Variants in NKAIN1 observed in about 807,000 individuals in gnomAD.
NKAIN1 encodes the protein sodium/potassium transporting ATPase interacting 1.
In NKAIN1, 13 loss-of-function variants were observed where a neutral mutation model predicts 31.6. That is an observed-to-expected ratio of 0.41 (90% CI 0.27 to 0.65). The LOEUF (loss-of-function observed/expected upper bound fraction) is 0.65. Among genes scored for constraint, NKAIN1 ranks in the 30% least tolerant of loss-of-function variants. The probability of loss-of-function intolerance (pLI) is 0.30; values close to 1 mark genes in which losing one functional copy is unlikely to be tolerated. For missense variants in NKAIN1, 193 were observed against 262.2 expected (o/e 0.74, Z 1.82); for synonymous variants, 104 against 109.0 (o/e 0.95, Z 0.28).
rs1052599406 is a variant in NKAIN1 at position 31,199,213 on chromosome 1, G to C, written c.55-11026C>G. 2.6e-4 allele frequency among the ~76,000 whole-genome samples: 39 copies of C among 152,308 alleles called. 1 individual carries two copies. Among genetic ancestry groups the C allele is most frequent in the African/African-American group, 8.7e-4 (36 of 41,564 alleles). On this transcript the variant is annotated intron_variant, in intron 1 of 6. Coordinates refer to ENST00000373736, the MANE Select transcript of NKAIN1 (RefSeq NM_024522.3). Reference sequence around the variant, plus strand: ...GGGACGAGCTCTCCATTTAAGGACAGGGAGGCCTGAGTTCCAGCCCCAGTT... The same window carrying C: ...GGGACGAGCTCTCCATTTAAGGACACGGAGGCCTGAGTTCCAGCCCCAGTT...
chr1:31,182,211 TGGGAGG>T (rs1426387842), intron 5 of NKAIN1, among the ~76,000 whole-genome samples: 2 of 150,330 alleles, frequency 1.3e-5, no homozygotes, highest in Non-Finnish European at 3.0e-5. Flanking sequence ...GGCTTGGGCC[TGGGAGG>T]CCGGGCAGTC....
At chr1:31,212,331 G>A (rs1336910101) in intron 1 of NKAIN1, among the ~76,000 whole-genome samples, 3 of 151,934 alleles carry the variant, frequency 2.0e-5, no homozygotes, top group Admixed American at 1.3e-4. Context: ...AAATGTAAGA[G>A]CCAAAACTAT....
intron 1 of NKAIN1, among the ~76,000 whole-genome samples, chr1:31,209,193 G>A (rs1245081399): frequency 1.3e-5 from 2 of 152,176 alleles, no homozygotes; most frequent in African/African-American, 2.4e-5. Flanking sequence ...TGACCAACAC[G>A]GTGAAACCTG....
intron 1 of NKAIN1, among the ~76,000 whole-genome samples, chr1:31,218,016 T>TTTTCTTTC (rs1553163596): frequency 0.2 from 21,279 of 107,666 alleles, 2,536 homozygotes; most frequent in Non-Finnish European, 0.23. Context: ...GCAGCTACCA[T>TTTTCTTTC]TTTCTTTCTT....
At chr1:31,225,325 CT>C (rs139451212) in intron 1 of NKAIN1, among the ~76,000 whole-genome samples, 15,557 of 51,916 alleles carry the variant, frequency 0.3, 2,874 homozygotes, top group Middle Eastern at 0.43. Flanking sequence ...CATGCCCGGC[CT>C]TTTTTTTTTT....
intron 1 of NKAIN1, among the ~76,000 whole-genome samples, chr1:31,218,588 T>C (rs1214298955): frequency 6.6e-6 from 1 of 152,208 alleles, no homozygotes; most frequent in Non-Finnish European, 1.5e-5. Context: ...CTCAGCTTCC[T>C]CTTCTGCAAA....
chr1:31,219,700 G>A (rs561875440), intron 1 of NKAIN1, among the ~76,000 whole-genome samples: 1 of 152,346 alleles, frequency 6.6e-6, no homozygotes, highest in African/African-American at 2.4e-5. Context: ...CCCAAAGGAA[G>A]GTCTCAGGCC....
At chr1:31,202,481 T>C (rs1645388552) in intron 1 of NKAIN1, among the ~76,000 whole-genome samples, 4 of 150,504 alleles carry the variant, frequency 2.7e-5, no homozygotes, top group Admixed American at 2.7e-4. Flanking sequence ...ATCGAGACCA[T>C]CCTGGCTAAC....
intron 1 of NKAIN1, among the ~76,000 whole-genome samples, chr1:31,192,012 T>C (rs1645289365): frequency 6.6e-6 from 1 of 152,108 alleles, no homozygotes; most frequent in Non-Finnish European, 1.5e-5. Context: ...CTGGCCTCAA[T>C]TAATCTTCCT....
At chr1:31,223,602 AC>A (rs1427280530) in intron 1 of NKAIN1, among the ~76,000 whole-genome samples, 2 of 151,750 alleles carry the variant, frequency 1.3e-5, no homozygotes, top group Non-Finnish European at 2.9e-5. Context: ...CTGCCACCAC[AC>A]CCAGCTAATG....
intron 1 of NKAIN1, among the ~76,000 whole-genome samples, chr1:31,232,416 TATATATATAGAGAGAGAG>T (rs1170067382): frequency 5.8e-5 from 2 of 34,260 alleles, no homozygotes; most frequent in East Asian, 3.1e-3. Context: ...TATATATATA[TATATATATAGAGAGAGAG>T]AGAGAGAGAG....
intron 1 of NKAIN1, among the ~76,000 whole-genome samples, chr1:31,213,340 C>T (rs1051692400): frequency 3.3e-5 from 5 of 152,156 alleles, no homozygotes; most frequent in Admixed American, 6.5e-5. Flanking sequence ...AAAAAATATG[C>T]TCAAAATAGT....
In NKAIN1 at chr1:31,218,068, C is replaced by CTTTCTTT. The variant is rs71569970; in HGVS notation, c.54+21425_54+21426insAAAGAAA. On this transcript the variant is annotated intron_variant, in intron 1 of 6. Transcript: ENST00000373736. ...TCTTTCTTTCTTTCTTTCTTTCTTT[C>CTTTCTTT]TTTTTTTTTTTTGAGATGGAGTCTC... Among the ~76,000 whole-genome samples the CTTTCTTT allele has an allele frequency of 4.8e-4, 64 of 132,976 alleles. No homozygotes were observed. In the East Asian group the frequency reaches 7.8e-3, roughly 16 times the overall value. The allele number at this position is 132,976 out of a possible 152,430, so 87.2% of individuals were successfully genotyped here.
At chr1:31,215,809 A>G (rs903532824) in intron 1 of NKAIN1, among the ~76,000 whole-genome samples, 1 of 152,182 alleles carries the variant, frequency 6.6e-6, no homozygotes, top group Non-Finnish European at 1.5e-5. Context: ...TGACTATGCT[A>G]GAAGGGTTTC....
At chr1:31,213,784 C>T (rs754171097) in intron 1 of NKAIN1, among the ~76,000 whole-genome samples, 2 of 151,924 alleles carry the variant, frequency 1.3e-5, no homozygotes, top group African/African-American at 2.4e-5. Context: ...CCCTTGAGCC[C>T]AGGAATTCAA....
In NKAIN1 at chr1:31,239,761, C is replaced by G. The variant is rs1287833098; in HGVS notation, c.-214G>C. On this transcript the variant is annotated 5_prime_UTR_variant, in exon 1 of 7. Coordinates refer to ENST00000373736, the MANE Select transcript of NKAIN1 (RefSeq NM_024522.3). The surrounding 1 kb of genome is among the most constrained non-coding windows in gnomAD (Gnocchi z 4.8). The stretch of plus-strand genomic sequence containing the variant: ...TGGTCCGTCCGTCCGCGCGCTGGCC[C>G]CGCCGAGCCGCGCCTCCTTTGTCTA... 6.6e-6 allele frequency among the ~76,000 whole-genome samples: 1 copy of G among 151,398 alleles called. No homozygotes were observed. The highest frequency in any genetic ancestry group is 1.9e-4 in the East Asian group (1 of 5,164).
In NKAIN1 at chr1:31,206,497, G is replaced by C. The variant is rs936611807; in HGVS notation, c.55-18310C>G. 7.3e-5 allele frequency among the ~76,000 whole-genome samples: 11 copies of C among 151,678 alleles called. 1 individual carries two copies. The South Asian group carries it at 2.3e-3, about 32-fold the overall frequency. ...TTTGCCCAAGCTGGAATGCAGTGGC[G>C]TGATCTTGGCTCACTGCAACCTCTG... On this transcript the variant is annotated intron_variant, in intron 1 of 6. Coordinates refer to ENST00000373736, the MANE Select transcript of NKAIN1 (RefSeq NM_024522.3).
In NKAIN1 at chr1:31,233,883, C is replaced by T. The variant is rs1645675767; in HGVS notation, c.54+5611G>A. On this transcript the variant is annotated intron_variant, in intron 1 of 6. Coordinates refer to ENST00000373736, the MANE Select transcript of NKAIN1 (RefSeq NM_024522.3). The surrounding 1 kb of genome is among the most constrained non-coding windows in gnomAD (Gnocchi z 4.0). ...CTTTGTAAGTAAGAAGGCAGAGGCT[C>T]AGAGAGGGTGCAGGACTTCCTGGGA... Among the ~76,000 whole-genome samples the T allele has an allele frequency of 1.3e-5, 2 of 152,202 alleles. No homozygotes were observed. Among genetic ancestry groups the T allele is most frequent in the South Asian group, 4.1e-4 (2 of 4,830 alleles).
chr1:31,194,710 T>C (rs951867621), intron 1 of NKAIN1, among the ~76,000 whole-genome samples: 35 of 149,762 alleles, frequency 2.3e-4, no homozygotes, highest in African/African-American at 8.4e-4. Flanking sequence ...CCTGGCCTGC[T>C]TTCTTTTTTC....
Sources: allele counts gnomAD v4.1 joint callset (sites outside exome capture counted in the v4.1 genomes callset), GRCh38; gene constraint gnomAD v4.1.1; non-coding constraint Gnocchi (gnomAD v3.1); transcripts MANE v1.5; gene names NCBI Gene and HGNC (gene_info 2026-07-23, HGNC 2026-07-21).